Variants in SUSD1 observed in about 807,000 individuals in gnomAD.
SUSD1 encodes the protein sushi domain containing 1.
A neutral mutation model predicts 86.9 loss-of-function variants in SUSD1; 65 were observed. The ratio of observed to expected loss-of-function variants is 0.75; its 90% CI spans 0.61 to 0.92. The LOEUF (loss-of-function observed/expected upper bound fraction) is 0.92, where lower values mean the gene tolerates loss of function less well. SUSD1 is among the 40% of genes least tolerant of loss of function. SUSD1 has a pLI of 0.00. For synonymous variants in SUSD1, 346 were observed against 350.0 expected, an observed-to-expected ratio of 0.99 and a Z score of 0.13; for missense variants, 850 against 929.7, an observed-to-expected ratio of 0.91 and a Z score of 1.11.
intron 10 of SUSD1, among the ~76,000 whole-genome samples, chr9:112,085,664 A>G (rs1202761040): frequency 1.3e-5 from 2 of 152,242 alleles, no homozygotes; most frequent in African/African-American, 4.8e-5. Flanking sequence ...CATGGAAGAA[A>G]GAAATCTATG....
At chr9:112,074,492 T>C (rs1483834336) in intron 12 of SUSD1, among the ~76,000 whole-genome samples, 2 of 152,168 alleles carry the variant, frequency 1.3e-5, no homozygotes, top group Non-Finnish European at 2.9e-5. Context: ...TCCCTCAACA[T>C]TCCTAGAACC....
In SUSD1 at chr9:112,157,405, A is replaced by T. The variant is rs1415808230; in HGVS notation, c.217+95T>A. 2.1e-5 allele frequency: 17 copies of T among 804,016 alleles called. No homozygotes were observed. In the East Asian group the frequency reaches 4.5e-4, roughly 21 times the overall value. The allele number at this position is 804,016 out of a possible 1,614,324, so 49.8% of individuals were successfully genotyped here. A position where few individuals can be genotyped will look rare whatever the true frequency, so the allele number is the denominator to read the frequency against. On this transcript the variant is annotated intron_variant, in intron 2 of 16. Coordinates refer to ENST00000374270, the MANE Select transcript of SUSD1 (RefSeq NM_022486.5). ...CATAATAAAAACATGTGAACAAAAT[A>T]ACAATGTTTTTCCCCAAGGACATCA...
chr9:112,082,229 C>A (rs1034774869), intron 10 of SUSD1, among the ~76,000 whole-genome samples: 2 of 152,138 alleles, frequency 1.3e-5, no homozygotes, highest in Non-Finnish European at 2.9e-5. Context: ...AACAGAAAGG[C>A]AACATACAAA....
At chr9:112,043,044 G>A (rs1347202338) in intron 15 of SUSD1, among the ~76,000 whole-genome samples, 1 of 152,162 alleles carries the variant, frequency 6.6e-6, no homozygotes, top group Non-Finnish European at 1.5e-5. Flanking sequence ...CTGGGCGTAG[G>A]CTGAACTAAC....
chr9:112,089,880 A>G (rs1830138252), intron 10 of SUSD1, among the ~76,000 whole-genome samples: 2 of 152,022 alleles, frequency 1.3e-5, no homozygotes. Flanking sequence ...AGCGAGAATC[A>G]AGAAGTTTTA....
chr9:112,090,564 T>A (rs1243774068), intron 10 of SUSD1, among the ~76,000 whole-genome samples: 4 of 151,538 alleles, frequency 2.6e-5, no homozygotes, highest in Non-Finnish European at 5.9e-5. Flanking sequence ...TCAAAAAAAA[T>A]AGAGAAAAGT....
At chr9:112,149,502 TG>T in intron 2 of SUSD1, 103 bp from the exon 3 acceptor site, 1 of 1,305,962 alleles carries the variant, frequency 7.7e-7, no homozygotes, top group Non-Finnish European at 1.1e-6. Context: ...CAACGTTCTG[TG>T]ACCACACCTT....
chr9:112,167,909 G>A (rs1304377048), intron 1 of SUSD1, among the ~76,000 whole-genome samples: 3 of 152,164 alleles, frequency 2.0e-5, no homozygotes, highest in African/African-American at 7.2e-5. Flanking sequence ...CACAGCAGCA[G>A]CAACAGAGAA....
At chr9:112,050,279 C>A (rs1589574513) in intron 15 of SUSD1, among the ~76,000 whole-genome samples, 2 of 152,282 alleles carry the variant, frequency 1.3e-5, no homozygotes, top group East Asian at 1.9e-4. Flanking sequence ...TCAAGAGGGG[C>A]CCTCACTGCC....
intron 6 of SUSD1, among the ~76,000 whole-genome samples, chr9:112,115,808 C>CAAAA (rs1406590665): frequency 1.7e-5 from 1 of 59,574 alleles, no homozygotes; most frequent in Non-Finnish European, 3.3e-5. Flanking sequence ...GACTCCATTG[C>CAAAA]AAAAAAAAAA....
intron 9 of SUSD1, among the ~76,000 whole-genome samples, chr9:112,099,050 TC>T: frequency 1.4e-5 from 2 of 147,370 alleles, no homozygotes; most frequent in African/African-American, 2.6e-5. Context: ...TCTCTCTCTC[TC>T]TCTCTGTCTC....
intron 8 of SUSD1, among the ~76,000 whole-genome samples, chr9:112,108,101 C>T (rs560290341): frequency 1.3e-5 from 2 of 152,224 alleles, no homozygotes; most frequent in East Asian, 3.9e-4. Context: ...AAAAATCTAC[C>T]ACTGTATACA....
intron 15 of SUSD1, among the ~76,000 whole-genome samples, chr9:112,050,688 C>T (rs550684799): frequency 2.0e-5 from 3 of 152,128 alleles, no homozygotes; most frequent in Non-Finnish European, 4.4e-5. Flanking sequence ...ACAAACCACA[C>T]GGAAAAGGTC....
At chr9:112,055,789 C>T (rs956518345) in intron 14 of SUSD1, among the ~76,000 whole-genome samples, 2 of 152,076 alleles carry the variant, frequency 1.3e-5, no homozygotes, top group Non-Finnish European at 2.9e-5. Context: ...AATAAGCAAA[C>T]GTGGTATACT....
Position 112,157,580 on chromosome 9 carries a change from G to A in SUSD1, c.137C>T (p.Ala46Val), listed in dbSNP as rs757463877. 7 of 1,613,882 alleles carry A rather than the reference G, an allele frequency of 4.3e-6. No individual in the cohort carries two copies. In the African/African-American group the frequency reaches 6.7e-5, roughly 15 times the overall value. The change falls in exon 2 of 17, where the codon GCC becomes GTC. Residue 46 changes from alanine (A) to valine (V), a missense_variant. Ala to Val is a moderately conservative substitution (Grantham distance 64, BLOSUM62 0). Transcript: ENST00000374270. ...LDVCATCHEH[A>V]TCQQREGKKI... ...CTTCCCTTCTCTTTGCTGGCATGTG[G>A]CATGTTCATGGCAAGTGGCACAGAC... is the stretch of plus-strand genomic sequence containing the variant.
intron 12 of SUSD1, among the ~76,000 whole-genome samples, chr9:112,067,192 G>A (rs895784444): frequency 2.0e-5 from 3 of 152,152 alleles, no homozygotes; most frequent in Admixed American, 2.0e-4. Flanking sequence ...AGATTGGAGG[G>A]TTTTATTCTT....
chr9:112,158,391 C>T (rs994725271), intron 1 of SUSD1, among the ~76,000 whole-genome samples: 11 of 152,018 alleles, frequency 7.2e-5, no homozygotes, highest in African/African-American at 2.7e-4. Flanking sequence ...CCCCACTACT[C>T]CATTTTTTTC....
intron 12 of SUSD1, among the ~76,000 whole-genome samples, chr9:112,070,547 G>A (rs1829224579): frequency 6.6e-6 from 1 of 152,182 alleles, no homozygotes; most frequent in African/African-American, 2.4e-5. Flanking sequence ...TGCCTGTGCT[G>A]GAAAATATAG....
chr9:112,056,657 T>C (rs773673874), intron 14 of SUSD1, among the ~76,000 whole-genome samples: 4 of 152,106 alleles, frequency 2.6e-5, no homozygotes, highest in Admixed American at 2.6e-4. Context: ...TTCAGCTACA[T>C]GAAAGAGAGT....
Sources: allele counts gnomAD v4.1 joint callset (sites outside exome capture counted in the v4.1 genomes callset), GRCh38; gene constraint gnomAD v4.1.1; transcripts MANE v1.5; gene names NCBI Gene and HGNC (gene_info 2026-07-23, HGNC 2026-07-21).